KDM3B: variants seen among roughly 807,000 people sequenced by gnomAD.
KDM3B encodes lysine demethylase 3B, also known as lysine-specific demethylase 3B.
In KDM3B, 10 loss-of-function variants were observed where a neutral mutation model predicts 170.0. The observed-to-expected ratio is 0.06, with a 90% confidence interval of 0.04 to 0.10. The LOEUF (loss-of-function observed/expected upper bound fraction) is 0.10. KDM3B is among the 10% of genes least tolerant of loss of function. The probability of loss-of-function intolerance (pLI) is 1.00; values close to 1 mark genes in which losing one functional copy is unlikely to be tolerated. For synonymous variants in KDM3B, 831 were observed against 834.8 expected (o/e 1.00, Z 0.08); for missense variants, 1,394 against 2,195.2 (o/e 0.64, Z 7.29).
intron 15 of KDM3B, among the ~76,000 whole-genome samples, chr5:138,422,100 T>C (rs971365914): frequency 6.6e-6 from 1 of 152,218 alleles, no homozygotes; most frequent in Non-Finnish European, 1.5e-5. Flanking sequence ...CCTTTCTTCA[T>C]ACATCACCCT....
rs150804836 is a variant in KDM3B, at chr5:138,403,347, T to C, written c.3199+3335T>C. 2.0e-4 allele frequency among the ~76,000 whole-genome samples: 30 copies of C among 151,726 alleles called. No homozygotes were observed. In the East Asian group the frequency reaches 5.8e-3, roughly 29 times the overall value. On this transcript the variant is annotated intron_variant, in intron 11 of 23. Coordinates refer to ENST00000314358, the MANE Select transcript of KDM3B (RefSeq NM_016604.4). ...AAGCTGAGGAGGGATAATCAATCAA[T>C]AGGAAAAAACCCCAGAATGACGGTG...
intron 1 of KDM3B, among the ~76,000 whole-genome samples, chr5:138,353,445 G>A (rs189352663): frequency 1.1e-4 from 16 of 152,216 alleles, no homozygotes; most frequent in Non-Finnish European, 1.9e-4. Flanking sequence ...GCGGGAATGT[G>A]GGCAGTTATG....
chr5:138,381,843 C>T (rs199825287), intron 6 of KDM3B: 2 of 412,432 alleles, frequency 4.8e-6, no homozygotes, highest in Non-Finnish European at 8.7e-6. Flanking sequence ...CTGGTTTCTT[C>T]CTATATTCTG....
intron 23 of KDM3B, among the ~76,000 whole-genome samples, chr5:138,435,030 T>G (rs1763637809): frequency 6.6e-6 from 1 of 152,212 alleles, no homozygotes; most frequent in African/African-American, 2.4e-5. Flanking sequence ...AAGAAAGCTG[T>G]CTTTATTCTC....
intron 1 of KDM3B, among the ~76,000 whole-genome samples, chr5:138,372,232 G>A (rs1761893559): frequency 6.6e-6 from 1 of 152,170 alleles, no homozygotes; most frequent in Non-Finnish European, 1.5e-5. Context: ...ATAATTAAAA[G>A]TTCACAGTCA....
chr5:138,426,539 C>T (rs1763397112), intron 17 of KDM3B, among the ~76,000 whole-genome samples: 1 of 144,232 alleles, frequency 6.9e-6, no homozygotes, highest in South Asian at 2.2e-4. Context: ...TGGGCCACTG[C>T]ACTCCAGCCT....
intron 4 of KDM3B, among the ~76,000 whole-genome samples, 190 bp downstream of exon 4, chr5:138,378,015 G>A (rs552364555): frequency 3.6e-4 from 55 of 152,136 alleles, no homozygotes; most frequent in African/African-American, 1.3e-3. Flanking sequence ...TCTTCAGTTA[G>A]CTGGATCTCT....
chr5:138,375,409 G>A (rs1026114867), intron 3 of KDM3B, among the ~76,000 whole-genome samples: 5 of 150,184 alleles, frequency 3.3e-5, no homozygotes, highest in Non-Finnish European at 7.4e-5. Flanking sequence ...ACAGAGTCTC[G>A]ATATGTCCCC....
chr5:138,362,782 A>C (rs1230167534), intron 1 of KDM3B, among the ~76,000 whole-genome samples: 3 of 149,300 alleles, frequency 2.0e-5, no homozygotes, highest in African/African-American at 7.3e-5. Flanking sequence ...GTACATGTGC[A>C]CAACGTGCAG....
intron 10 of KDM3B, among the ~76,000 whole-genome samples, chr5:138,398,848 A>G (rs1762608135): frequency 6.6e-6 from 1 of 151,160 alleles, no homozygotes; most frequent in Non-Finnish European, 1.5e-5. Flanking sequence ...TATTTTCCAG[A>G]CTAAGAAAAA....
intron 12 of KDM3B, 92 bp downstream of exon 12, chr5:138,415,331 A>AT (rs1184485698): frequency 1.6e-6 from 1 of 644,748 alleles, no homozygotes; most frequent in Non-Finnish European, 2.6e-6. Flanking sequence ...ATTTAGCCTC[A>AT]TTTTTTCTTT....
In KDM3B at chr5:138,423,618, G is replaced by A. The variant is rs1763326686; in HGVS notation, c.3973-457G>A. Reference sequence around the variant, plus strand: ...TACACCCTTCATTGAGGTACTCCCTGGTAGAAAACCATTGCCTTGATAAGT... The same window carrying A: ...TACACCCTTCATTGAGGTACTCCCTAGTAGAAAACCATTGCCTTGATAAGT... On this transcript the variant is annotated intron_variant, in intron 15 of 23. Transcript: ENST00000314358. Among the ~76,000 whole-genome samples the A allele has an allele frequency of 2.0e-5, 3 of 152,070 alleles. No individual in the cohort carries two copies. In the South Asian group the frequency reaches 6.2e-4, roughly 32 times the overall value.
At chr5:138,388,084 A>G (rs1762328677) in intron 7 of KDM3B, among the ~76,000 whole-genome samples, 2 of 152,072 alleles carry the variant, frequency 1.3e-5, no homozygotes, top group Non-Finnish European at 2.9e-5. Context: ...ATGTCTCAAA[A>G]AAACAAAACA....
intron 7 of KDM3B, 80 bp downstream of exon 7, chr5:138,386,701 C>T: frequency 6.6e-7 from 1 of 1,516,920 alleles, no homozygotes; most frequent in Non-Finnish European, 8.9e-7. Flanking sequence ...AAAAAACATT[C>T]AAGTGCCCCA....
chr5:138,401,303 TG>T (rs1361119790), intron 11 of KDM3B, among the ~76,000 whole-genome samples: 1 of 151,990 alleles, frequency 6.6e-6, no homozygotes, highest in Non-Finnish European at 1.5e-5. Flanking sequence ...CATACACTAT[TG>T]TGTCTAGTCT....
intron 6 of KDM3B, among the ~76,000 whole-genome samples, chr5:138,384,660 G>C (rs564925510): frequency 3.1e-4 from 47 of 150,604 alleles, no homozygotes; most frequent in Non-Finnish European, 5.9e-4. Context: ...ATTCGCTTGA[G>C]CCTAGGAGGC....
Position 138,424,096 on chromosome 5 carries a change from C to A in KDM3B, c.3994C>A (p.Leu1332Ile). 1 of 1,576,654 alleles carries A rather than the reference C, an allele frequency of 6.3e-7. No individual in the cohort carries two copies. The change falls in exon 16 of 24, where the codon CTA (leucine) becomes ATA (isoleucine). Residue 1332 changes from leucine to isoleucine, a missense_variant. Physicochemically the swap from Leu to Ile is conservative, Grantham distance 5 (BLOSUM62 2). This residue lies in a region of KDM3B where 137 missense variants were observed against 166.9 expected (regional missense o/e 0.82). Coordinates refer to ENST00000314358, the MANE Select transcript of KDM3B (RefSeq NM_016604.4). ...GCAGGGAGTGAAGAGCAAGGCCAGC[C>A]TACCCAACTTTCTTGACCACATCAT... ...SSAGVKSKASLPNFLDHIIAS... is the reference protein window; with the variant it reads ...SSAGVKSKASIPNFLDHIIAS...
chr5:138,360,435 G>T (rs1029679421), intron 1 of KDM3B, among the ~76,000 whole-genome samples: 3 of 151,812 alleles, frequency 2.0e-5, no homozygotes, highest in African/African-American at 4.8e-5. Context: ...TCCCCTTACA[G>T]CATCAGGTCT....
chr5:138,395,689 T>G (rs1291677932), intron 9 of KDM3B, among the ~76,000 whole-genome samples: 1 of 152,134 alleles, frequency 6.6e-6, no homozygotes, highest in Non-Finnish European at 1.5e-5. Context: ...TGGTCTTGGC[T>G]CACTGCAACC....
Sources: allele counts gnomAD v4.1 joint callset (sites outside exome capture counted in the v4.1 genomes callset), GRCh38; gene constraint gnomAD v4.1.1; regional missense constraint gnomAD v4.1.1; transcripts MANE v1.5; gene names NCBI Gene and HGNC (gene_info 2026-07-23, HGNC 2026-07-21).